ARHGAP22: variants seen among roughly 807,000 people sequenced by gnomAD.
The protein encoded by ARHGAP22 is Rho GTPase activating protein 22.
A neutral mutation model predicts 59.1 loss-of-function variants in ARHGAP22; 48 were observed. The observed-to-expected ratio is 0.81, with a 90% CI of 0.64 to 1.03. The LOEUF is 1.03. ARHGAP22 is among the 50% of genes least tolerant of loss of function. ARHGAP22 has a pLI of 0.00. For synonymous variants in ARHGAP22, 445 were observed against 416.4 expected (o/e 1.07, Z -0.84); for missense variants, 1,015 against 958.7 (o/e 1.06, Z -0.78).
At chr10:48,585,281 A>G (rs1206664615) in intron 1 of ARHGAP22, among the ~76,000 whole-genome samples, 4 of 151,708 alleles carry the variant, frequency 2.6e-5, no homozygotes, top group Non-Finnish European at 5.9e-5. Flanking sequence ...TTCAACCTCC[A>G]CATCCTCACC....
chr10:48,605,480 G>T (rs2060636898), upstream of ARHGAP22, among the ~76,000 whole-genome samples: 1 of 151,944 alleles, frequency 6.6e-6, no homozygotes, highest in African/African-American at 2.4e-5. Flanking sequence ...GCCTGTTAGG[G>T]ATACTATTTA....
At chr10:48,641,488 C>G (rs2062043737) in intron 1 of ARHGAP22, among the ~76,000 whole-genome samples, 1 of 152,126 alleles carries the variant, frequency 6.6e-6, no homozygotes. Flanking sequence ...GAACCAAAGA[C>G]AAAAACCACA....
rs114682905 is a variant in ARHGAP22, at chr10:48,525,304, G to A, written c.322+30159C>T. Among the ~76,000 whole-genome samples the A allele has an allele frequency of 2.3e-3, 346 of 152,338 alleles. 1 individual carries two copies. The highest frequency in any genetic ancestry group is 7.9e-3 in the African/African-American group (329 of 41,556). ...AAAAGAATCATCGGCCGGGCATGGT[G>A]GCTCGTGCTTGCAATCCCAGTACTT... On this transcript the variant is annotated intron_variant, in intron 3 of 9. Transcript: ENST00000249601.
intron 3 of ARHGAP22, among the ~76,000 whole-genome samples, chr10:48,489,559 C>T (rs1029706272): frequency 5.9e-5 from 9 of 152,130 alleles, no homozygotes; most frequent in Non-Finnish European, 1.2e-4. Context: ...TTAGTATTAG[C>T]TTTACTTAAA....
intron 2 of ARHGAP22, among the ~76,000 whole-genome samples, chr10:48,572,101 C>A (rs555598459): frequency 6.6e-6 from 1 of 152,282 alleles, no homozygotes; most frequent in East Asian, 1.9e-4. Flanking sequence ...CCACATCCGA[C>A]CAGCAATAAT....
rs191771778 is a variant in ARHGAP22 at position 48,626,068 on chromosome 10, A to G, written c.52+26166T>C. Among the ~76,000 whole-genome samples the G allele has an allele frequency of 3.5e-3, 536 of 152,270 alleles. 2 individuals are homozygous for G. The highest frequency in any genetic ancestry group is 0.012 in the African/African-American group (508 of 41,540). On this transcript the variant is annotated intron_variant, in intron 1 of 9. Transcript: ENST00000435790. ...TAGACTGACTGTAAAAGTCTCCATG[A>G]GAGACATGTGGTCCCATCAACCCCA...
chr10:48,432,008 A>T, the ARHGAP22 span, among the ~76,000 whole-genome samples: 1 of 152,060 alleles, frequency 6.6e-6, no homozygotes, highest in Admixed American at 6.5e-5. Flanking sequence ...TAAGATTCCA[A>T]ATCTATTATG....
At chr10:48,530,714 A>G (rs563111906) in intron 3 of ARHGAP22, among the ~76,000 whole-genome samples, 261 of 152,286 alleles carry the variant, frequency 1.7e-3, no homozygotes, top group African/African-American at 6.0e-3. Context: ...CAAAACCACA[A>G]CGCGATACCA....
At chr10:48,635,405 C>A (rs907928659) in intron 1 of ARHGAP22, among the ~76,000 whole-genome samples, 4 of 152,234 alleles carry the variant, frequency 2.6e-5, no homozygotes, top group African/African-American at 9.6e-5. Flanking sequence ...GCTCCAAGTT[C>A]AGCCACAGCT....
At chr10:48,552,521 C>G (rs574761654) in intron 3 of ARHGAP22, among the ~76,000 whole-genome samples, 11 of 152,232 alleles carry the variant, frequency 7.2e-5, no homozygotes, top group Non-Finnish European at 1.3e-4. Context: ...ACATTTACCC[C>G]GGGGGCTGTG....
At chr10:48,563,522 T>TA (rs2057846272) in intron 2 of ARHGAP22, among the ~76,000 whole-genome samples, 1 of 152,226 alleles carries the variant, frequency 6.6e-6, no homozygotes, top group Non-Finnish European at 1.5e-5. Flanking sequence ...GTCAGATGGT[T>TA]AGCAACCTTA....
intron 8 of ARHGAP22, among the ~76,000 whole-genome samples, chr10:48,452,541 C>T (rs949133967): frequency 2.0e-5 from 3 of 152,250 alleles, no homozygotes; most frequent in African/African-American, 7.2e-5. Context: ...CGCCACGTCC[C>T]TCAACATGGG....
intron 2 of ARHGAP22, among the ~76,000 whole-genome samples, chr10:48,563,215 AC>A (rs1338951310): frequency 4.8e-5 from 2 of 41,668 alleles, no homozygotes; most frequent in African/African-American, 2.0e-4. Flanking sequence ...TTTTTTTGAG[AC>A]GTATTCTTGC....
In ARHGAP22 at chr10:48,489,634, A is replaced by T. The variant is rs1450549112; in HGVS notation, c.323-9870T>A. ...TCATTATGAAAGATGAGTGTCTATT[A>T]TCACAGTTTCTGGTTTTTCCTCTTT... is the stretch of plus-strand genomic sequence containing the variant. On this transcript the variant is annotated intron_variant, in intron 3 of 9. Transcript: ENST00000249601. 2.0e-5 allele frequency among the ~76,000 whole-genome samples: 3 copies of T among 152,122 alleles called. No individual in the cohort carries two copies. The East Asian group carries it at 5.8e-4, about 29-fold the overall frequency.
rs2135974782 is a variant in ARHGAP22 at position 48,611,880 on chromosome 10, TCCCCTCCCGTCCC to T, written c.53-28741_53-28729del. The stretch of plus-strand genomic sequence containing the variant: ...TCCCCTCCCCTCCCCTCCCCTCCCC[TCCCCTCCCGTCCC>T]CTTCACTTTCCTTCTGCCTCCTGGG... On this transcript the variant is annotated intron_variant, in intron 1 of 9. Coordinates refer to the ARHGAP22 transcript ENST00000435790. 1.2e-4 allele frequency among the ~76,000 whole-genome samples: 3 copies of T among 24,246 alleles called. No individual in the cohort carries two copies. In the East Asian group the frequency reaches 6.6e-3, roughly 53 times the overall value. 15.9% of individuals were successfully genotyped at this position (24,246 alleles called of 152,430 possible).
chr10:48,584,918 C>G (rs181226197), intron 1 of ARHGAP22, among the ~76,000 whole-genome samples: 3 of 150,220 alleles, frequency 2.0e-5, no homozygotes, highest in Non-Finnish European at 2.9e-5. Context: ...GGCCTGAATC[C>G]GGGAGGCGGA....
At chr10:48,451,481 G>A in intron 8 of ARHGAP22, 1 of 702,466 alleles carries the variant, frequency 1.4e-6, no homozygotes, top group East Asian at 2.7e-5. Context: ...CTGGAACCTG[G>A]GACCTGAGAT....
intron 3 of ARHGAP22, among the ~76,000 whole-genome samples, chr10:48,542,011 T>C (rs1590057643): frequency 6.6e-6 from 1 of 152,156 alleles, no homozygotes; most frequent in Non-Finnish European, 1.5e-5. Flanking sequence ...AGGGGCCGGG[T>C]GCTGGAGGGA....
chr10:48,561,983 T>C (rs1564886546), intron 2 of ARHGAP22, among the ~76,000 whole-genome samples: 1 of 152,162 alleles, frequency 6.6e-6, no homozygotes, highest in Non-Finnish European at 1.5e-5. Flanking sequence ...TCCCAGCACT[T>C]TGGGGGGCCG....
Sources: allele counts gnomAD v4.1 joint callset (sites outside exome capture counted in the v4.1 genomes callset), GRCh38; gene constraint gnomAD v4.1.1; transcripts MANE v1.5; gene names NCBI Gene and HGNC (gene_info 2026-07-23, HGNC 2026-07-21).